The following CLCN6 variants were observed in gnomAD, a reference collection of about 807,000 sequenced individuals.
CLCN6 encodes the protein H(+)/Cl(-) exchange transporter 6.
Under a neutral mutation model 109.8 loss-of-function variants are expected in CLCN6, and 70 were observed. The observed-to-expected ratio is 0.64, with a 90% CI of 0.53 to 0.78. The LOEUF (loss-of-function observed/expected upper bound fraction) is 0.78. Among genes scored for constraint, CLCN6 ranks in the 30% least tolerant of loss-of-function variants. The pLI, the probability that CLCN6 is intolerant of heterozygous loss-of-function variation, is 0.00. For synonymous variants in CLCN6, 444 were observed against 447.8 expected (o/e 0.99, Z 0.11); for missense variants, 984 against 1,142.3 (o/e 0.86, Z 2.00).
intron 13 of CLCN6, among the ~76,000 whole-genome samples, chr1:11,830,737 TTATATATATATATA>T (rs369772847): frequency 3.3e-5 from 3 of 91,126 alleles, no homozygotes; most frequent in Non-Finnish European, 4.9e-5. Context: ...TATGTATATA[TTATATATATATATA>T]TATATATATA....
intron 10 of CLCN6, 67 bp from the exon 11 acceptor site, chr1:11,828,039 G>A: frequency 8.6e-7 from 1 of 1,165,286 alleles, no homozygotes; most frequent in Non-Finnish European, 1.3e-6. Context: ...GTACCAGGAG[G>A]AAGGGTTGGG....
At chr1:11,808,682 C>CTTTTTTTTTTT (rs35849926) in intron 2 of CLCN6, among the ~76,000 whole-genome samples, 1 of 136,316 alleles carries the variant, frequency 7.3e-6, no homozygotes, top group African/African-American at 2.7e-5. Context: ...CTTCCTTCAT[C>CTTTTTTTTTTT]TTTTTTTTTT....
chr1:11,828,544 G>T lies in CLCN6; in HGVS notation c.1041G>T (p.Leu347=). 1 of 1,614,158 alleles carries T rather than the reference G, an allele frequency of 6.2e-7. No individual in the cohort carries two copies. Among genetic ancestry groups the T allele is most frequent in the Non-Finnish European group, 8.5e-7 (1 of 1,180,030 alleles). ...TGATGGGGGTCATTGGGGGCCTCCT[G>T]GGAGCCACATTCAACTGTCTGAACA... ...FVVMGVIGGL[L]GATFNCLNKR... is the part of the protein sequence containing the mutation. The change falls in exon 12 of 23, where the codon CTG becomes CTT. Residue 347 remains leucine (L), a synonymous_variant. Coordinates refer to ENST00000346436, the MANE Select transcript of CLCN6 (RefSeq NM_001286.5).
chr1:11,827,156 G>A lies in CLCN6; in HGVS notation c.775G>A (p.Gly259Arg). Residue 259 changes from glycine (G) to arginine (R), a missense_variant, in exon 10 of 23, where the codon GGG (glycine) becomes AGG (arginine). By Grantham distance (125) the Gly-to-Arg change is moderately radical (BLOSUM62 -2). Coordinates refer to ENST00000346436, the MANE Select transcript of CLCN6 (RefSeq NM_001286.5). The stretch of plus-strand genomic sequence containing the variant: ...TGCTGCAGCTTTCGGGGCGCCAATC[G>A]GGGGTACCTTGTTCAGTCTAGAGGA... ...GVAAAFGAPI[G>R]GTLFSLEEGS... 1 of 1,613,928 alleles carries A rather than the reference G, an allele frequency of 6.2e-7. No homozygotes were observed. Among genetic ancestry groups the A allele is most frequent in the Non-Finnish European group, 8.5e-7 (1 of 1,179,908 alleles).
intron 2 of CLCN6, among the ~76,000 whole-genome samples, chr1:11,815,146 T>C (rs750655860): frequency 3.9e-5 from 6 of 152,230 alleles, no homozygotes; most frequent in Non-Finnish European, 7.3e-5. Context: ...TTATAACTAA[T>C]TGACATTCTA....
intron 20 of CLCN6, 38 bp downstream of exon 20, chr1:11,837,537 C>T (rs1400101420): frequency 1.9e-6 from 3 of 1,595,196 alleles, no homozygotes; most frequent in Non-Finnish European, 2.6e-6. Flanking sequence ...CAGGCCAGAC[C>T]TGACGAAGCT....
intron 11 of CLCN6, 81 bp from the exon 12 acceptor site, chr1:11,828,377 G>T (rs1644839046): frequency 1.3e-6 from 2 of 1,571,910 alleles, no homozygotes; most frequent in Non-Finnish European, 8.8e-7. Context: ...CCCCACTCTT[G>T]CTTCTGTCTT....
chr1:11,807,581 G>T (rs1270625867), intron 2 of CLCN6, among the ~76,000 whole-genome samples: 2 of 152,188 alleles, frequency 1.3e-5, no homozygotes, highest in East Asian at 3.8e-4. Context: ...TTGCTTTTCA[G>T]ATATTTTCTT....
intron 4 of CLCN6, among the ~76,000 whole-genome samples, chr1:11,818,081 G>A (rs1644697127): frequency 6.6e-6 from 1 of 151,686 alleles, no homozygotes; most frequent in Non-Finnish European, 1.5e-5. Flanking sequence ...GGGCAACGTA[G>A]GGAGACCCTG....
At chr1:11,807,524 T>G (rs1644533544) in intron 2 of CLCN6, among the ~76,000 whole-genome samples, 1 of 152,218 alleles carries the variant, frequency 6.6e-6, no homozygotes, top group South Asian at 2.1e-4. Flanking sequence ...CTAACAGGTG[T>G]GTGCTTATAA....
intron 11 of CLCN6, 117 bp from the exon 12 acceptor site, chr1:11,828,341 T>G (rs745448194): frequency 4.2e-6 from 6 of 1,443,958 alleles, no homozygotes; most frequent in Non-Finnish European, 5.8e-6. Context: ...ATCTCACCCA[T>G]TAGCCTCTGC....
At chr1:11,829,701 G>C (rs1644856277) in intron 13 of CLCN6, 1 of 167,902 alleles carries the variant, frequency 6.0e-6, no homozygotes, top group African/African-American at 2.9e-5. Flanking sequence ...AACAACCCTG[G>C]CATCACAGAG....
Position 11,841,776 on chromosome 1 carries a change from TC to T in CLCN6, c.*1555del, listed in dbSNP as rs1477893821. 6.6e-6 allele frequency: 1 copy of T among 152,220 alleles called. No homozygotes were observed. The highest frequency in any genetic ancestry group is 1.5e-5 in the Non-Finnish European group (1 of 68,050). The allele number at this position is 152,220 out of a possible 1,614,324, so 9.4% of individuals were successfully genotyped here. On this transcript the variant is annotated 3_prime_UTR_variant, in exon 23 of 23. Coordinates refer to ENST00000346436, the MANE Select transcript of CLCN6 (RefSeq NM_001286.5). ...CGCTCAGCACACTCTAGGGAATAATTCCACTCCAGAGATGGGGCTGCTTCAA... is the reference window on the plus strand; with the variant it reads ...CGCTCAGCACACTCTAGGGAATAATTCACTCCAGAGATGGGGCTGCTTCAA...
intron 18 of CLCN6, 36 bp from the exon 19 acceptor site, chr1:11,836,963 C>A: frequency 2.5e-6 from 4 of 1,601,182 alleles, no homozygotes; most frequent in Non-Finnish European, 3.4e-6. Context: ...TGTTCGTTTG[C>A]CCATGCGCAG....
chr1:11,806,956 G>T, intron 1 of CLCN6, 175 bp from the exon 2 acceptor site: 1 of 614,796 alleles, frequency 1.6e-6, no homozygotes, highest in Non-Finnish European at 2.9e-6. Flanking sequence ...GCTGATGGCT[G>T]TAGATCCTCA....
chr1:11,818,293 C>G (rs1644699689), intron 4 of CLCN6, among the ~76,000 whole-genome samples: 1 of 152,034 alleles, frequency 6.6e-6, no homozygotes, highest in Admixed American at 6.6e-5. Flanking sequence ...ATCAGAAAAT[C>G]CAAAATGCTC....
rs200797498 is a variant in CLCN6, at chr1:11,837,323, A to G, written c.2139-20A>G. On this transcript the variant is annotated intron_variant, in intron 19 of 22. Transcript: ENST00000346436. ...TCCCGCTGAGGGTATCCCAGGCAGC[A>G]TCTGGTTTTTGTGTAACAGATACAC... The G allele has an allele frequency of 7.7e-5, 123 of 1,601,862 alleles. 1 individual carries two copies. The East Asian group carries it at 2.5e-3, about 33-fold the overall frequency.
intron 13 of CLCN6, chr1:11,830,348 T>C (rs1644864020): frequency 6.6e-6 from 1 of 152,096 alleles, no homozygotes; most frequent in South Asian, 2.1e-4. Context: ...GTCAACCAAC[T>C]GTGGAGCAAA....
At chr1:11,833,316 C>T (rs1644902992) in intron 13 of CLCN6, among the ~76,000 whole-genome samples, 199 bp from the exon 14 acceptor site, 1 of 152,124 alleles carries the variant, frequency 6.6e-6, no homozygotes, top group Non-Finnish European at 1.5e-5. Context: ...GGCCCTCATC[C>T]CGATTCTTTC....
Sources: allele counts gnomAD v4.1 joint callset (sites outside exome capture counted in the v4.1 genomes callset), GRCh38; gene constraint gnomAD v4.1.1; transcripts MANE v1.5; gene names NCBI Gene and HGNC (gene_info 2026-07-23, HGNC 2026-07-21).